Variants in MGLL observed in about 807,000 individuals in gnomAD.
The protein encoded by MGLL is monoglyceride lipase.
A neutral mutation model predicts 29.1 loss-of-function variants in MGLL; 7 were observed. The observed-to-expected ratio is 0.24, with a 90% CI of 0.14 to 0.45. The LOEUF is 0.45. Ranked by LOEUF, MGLL falls within the 20% of genes least tolerant of loss-of-function variation. MGLL has a pLI of 0.99. For synonymous variants in MGLL, 148 were observed against 168.3 expected (o/e 0.88, Z 0.93); for missense variants, 356 against 413.6 (o/e 0.86, Z 1.21).
At chr3:127,807,290 T>A (rs1225351048) in intron 2 of MGLL, among the ~76,000 whole-genome samples, 1 of 152,204 alleles carries the variant, frequency 6.6e-6, no homozygotes, top group Non-Finnish European at 1.5e-5. Flanking sequence ...ATAACCCTTT[T>A]TATTTTAGAA....
intron 3 of MGLL, among the ~76,000 whole-genome samples, chr3:127,752,378 C>T (rs1189304439): frequency 2.6e-5 from 4 of 152,328 alleles, no homozygotes; most frequent in Non-Finnish European, 4.4e-5. Flanking sequence ...GGATTACAGG[C>T]ATAAGCCATC....
intron 2 of MGLL, among the ~76,000 whole-genome samples, chr3:127,816,737 G>A (rs1248017546): frequency 2.6e-5 from 4 of 152,222 alleles, no homozygotes; most frequent in African/African-American, 9.6e-5. Flanking sequence ...GGAGAAAGGG[G>A]TCAACATGGG....
chr3:127,758,728 T>C (rs2076707043), intron 3 of MGLL, among the ~76,000 whole-genome samples: 2 of 152,260 alleles, frequency 1.3e-5, no homozygotes, highest in South Asian at 2.1e-4. Flanking sequence ...AAATCAGATA[T>C]GTGTTATAAA....
At chr3:127,748,429 GGA>G (rs368580991) in intron 3 of MGLL, among the ~76,000 whole-genome samples, 8 of 112,990 alleles carry the variant, frequency 7.1e-5, no homozygotes, top group Admixed American at 2.5e-4. Context: ...AGAGAGAGAG[GGA>G]GAGAGAGAGA....
chr3:127,792,643 C>T (rs1030250719), intron 2 of MGLL, among the ~76,000 whole-genome samples: 17 of 151,762 alleles, frequency 1.1e-4, no homozygotes, highest in African/African-American at 3.6e-4. Context: ...GCGGAGGTTG[C>T]GATGAGACGA....
intron 4 of MGLL, among the ~76,000 whole-genome samples, chr3:127,722,141 T>C (rs1472408317): frequency 1.3e-5 from 2 of 152,192 alleles, no homozygotes; most frequent in Admixed American, 6.5e-5. Context: ...AAGAAGTGGC[T>C]CTTAGCAGCC....
intron 2 of MGLL, among the ~76,000 whole-genome samples, chr3:127,795,779 T>G (rs1385046187): frequency 2.6e-5 from 4 of 152,068 alleles, no homozygotes; most frequent in Non-Finnish European, 4.4e-5. Flanking sequence ...CACATATAAT[T>G]TATGTATGCT....
At chr3:127,762,902 C>T (rs558912436) in intron 3 of MGLL, among the ~76,000 whole-genome samples, 43 of 152,298 alleles carry the variant, frequency 2.8e-4, no homozygotes, top group African/African-American at 7.7e-4. Context: ...GTGATGGGGA[C>T]GCCTCAGGCC....
At chr3:127,746,659 C>T (rs907362933) in intron 3 of MGLL, among the ~76,000 whole-genome samples, 1 of 152,156 alleles carries the variant, frequency 6.6e-6, no homozygotes, top group Non-Finnish European at 1.5e-5. Flanking sequence ...TGCAGGTTCA[C>T]ATTCCACTCT....
intron 7 of MGLL, among the ~76,000 whole-genome samples, chr3:127,693,710 G>A (rs966986040): frequency 7.9e-5 from 12 of 152,100 alleles, no homozygotes; most frequent in Admixed American, 1.3e-4. Flanking sequence ...ATCATCATCC[G>A]TTTCATTTAT....
intron 3 of MGLL, among the ~76,000 whole-genome samples, chr3:127,747,511 C>T (rs901500762): frequency 6.6e-6 from 1 of 152,146 alleles, no homozygotes; most frequent in Non-Finnish European, 1.5e-5. Context: ...AAGTACCAGG[C>T]CCACCACAGA....
Position 127,815,522 on chromosome 3 carries a change from C to T in MGLL, c.155+6172G>A, listed in dbSNP as rs114151934. 8.6e-3 allele frequency among the ~76,000 whole-genome samples: 1,307 copies of T among 152,322 alleles called. 15 individuals carry two copies. Among genetic ancestry groups the T allele is most frequent in the African/African-American group, 0.03 (1,228 of 41,562 alleles). ...TTTGCCATGACGCGGCCTTCTTTGC[C>T]TTGCGCCTATATTACTATGAACCTC... On this transcript the variant is annotated intron_variant, in intron 2 of 7. Coordinates refer to ENST00000265052, the MANE Select transcript of MGLL (RefSeq NM_007283.7).
chr3:127,731,568 C>T (rs1299150885), intron 3 of MGLL, among the ~76,000 whole-genome samples: 1 of 152,142 alleles, frequency 6.6e-6, no homozygotes, highest in African/African-American at 2.4e-5. Context: ...AGGCCACTGT[C>T]CCCCTGTCCT....
At chr3:127,703,331 G>A (rs1414060518) in intron 6 of MGLL, among the ~76,000 whole-genome samples, 1 of 152,192 alleles carries the variant, frequency 6.6e-6, no homozygotes, top group Non-Finnish European at 1.5e-5. Context: ...AGAATTCCCA[G>A]GTCTTGCAGG....
chr3:127,802,991 T>G (rs1347396853), intron 2 of MGLL, among the ~76,000 whole-genome samples: 1 of 152,074 alleles, frequency 6.6e-6, no homozygotes, highest in African/African-American at 2.4e-5. Context: ...TCTCTCTTTT[T>G]TTTTTTTAGA....
Position 127,811,738 on chromosome 3 carries a change from T to A in MGLL, c.155+9956A>T, listed in dbSNP as rs139869189. ...CCTTAATAACAGATCCAGGCCAGTC[T>A]GAGAAAGCATGATAAACCACATGGA... On this transcript the variant is annotated intron_variant, in intron 2 of 7. Transcript: ENST00000265052. Among the ~76,000 whole-genome samples, 18 of 152,364 alleles carry A rather than the reference T, an allele frequency of 1.2e-4. No homozygotes were observed. The East Asian group carries it at 3.5e-3, about 29-fold the overall frequency.
At chr3:127,759,823 T>C (rs9832418) in intron 3 of MGLL, among the ~76,000 whole-genome samples, 4,598 of 152,336 alleles carry the variant, frequency 0.03, 175 homozygotes, top group East Asian at 0.16. Flanking sequence ...TCTCCTTTTT[T>C]GGTAAGAAAG....
intron 3 of MGLL, among the ~76,000 whole-genome samples, chr3:127,762,954 G>A (rs2076791875): frequency 6.6e-6 from 1 of 152,176 alleles, no homozygotes; most frequent in African/African-American, 2.4e-5. Flanking sequence ...GGAACCCAGT[G>A]TCACTCCAGA....
intron 6 of MGLL, among the ~76,000 whole-genome samples, chr3:127,705,649 G>A (rs1157993051): frequency 1.3e-5 from 2 of 151,736 alleles, no homozygotes; most frequent in Admixed American, 6.6e-5. Flanking sequence ...GGTGGCACGC[G>A]CCTGTAATCC....
Sources: gnomAD v4.1 joint callset for allele counts (sites outside exome capture counted in the v4.1 genomes callset) on GRCh38, gnomAD v4.1.1 for gene constraint, MANE v1.5 for transcripts, NCBI Gene and HGNC (gene_info 2026-07-23, HGNC 2026-07-21) for gene names.